Variants in ABTB2 observed in about 807,000 individuals in gnomAD.
ABTB2 encodes the protein ankyrin repeat and BTB/POZ domain-containing protein 2.
ABTB2 carries 56 observed loss-of-function variants against 104.1 expected under a neutral mutation model. The observed-to-expected ratio is 0.54, with a 90% CI of 0.43 to 0.67. The LOEUF is 0.67. Ranked by LOEUF, ABTB2 falls within the 30% of genes least tolerant of loss-of-function variation. ABTB2 has a pLI of 0.00. For missense variants in ABTB2, 1,279 were observed against 1,407.7 expected, an observed-to-expected ratio of 0.91 and a Z score of 1.46; for synonymous variants, 606 against 608.2, an observed-to-expected ratio of 1.00 and a Z score of 0.05.
chr11:34,357,580 C>A lies in ABTB2; in HGVS notation c.4G>T (p.Ala2Ser). The change falls in exon 1 of 17, where the codon GCC (alanine) becomes TCC (serine). Residue 2 changes from alanine (A) to serine (S), a missense_variant. Transcript: ENST00000435224. ...TTCAGAGTCGAGCTGTACGTCCCGGCCATGGGGAGCCTGCCGAGGGCGGCG... is the reference window on the plus strand; with the variant it reads ...TTCAGAGTCGAGCTGTACGTCCCGGACATGGGGAGCCTGCCGAGGGCGGCG... Reference protein sequence around the residue: MAGTYSSTLKTL... With the variant: MSGTYSSTLKTL... The A allele has an allele frequency of 6.6e-7, 1 of 1,507,856 alleles. No homozygotes were observed. Among genetic ancestry groups the A allele is most frequent in the Non-Finnish European group, 8.9e-7 (1 of 1,127,410 alleles). The allele number at this position is 1,507,856 out of a possible 1,614,324, so 93.4% of individuals were successfully genotyped here. A position where few individuals can be genotyped will look rare whatever the true frequency, so the allele number is the denominator to read the frequency against.
chr11:34,170,632 A>G (rs1590205777), intron 5 of ABTB2, among the ~76,000 whole-genome samples: 2 of 152,134 alleles, frequency 1.3e-5, no homozygotes, highest in South Asian at 4.1e-4. Flanking sequence ...ACTCTCCCAG[A>G]CTCGTTCCTA....
chr11:34,210,947 TTTTTTA>T lies in ABTB2; in HGVS notation c.884-6263_884-6258del, dbSNP rs540146024. On this transcript the variant is annotated intron_variant, in intron 1 of 16. Coordinates refer to ENST00000435224, the MANE Select transcript of ABTB2 (RefSeq NM_145804.3). ...AGATAAGCCAACCCCTTTTTAAAAT[TTTTTTA>T]TTTTTAAGTGTTTCCATTCTCTGAT... is the stretch of plus-strand genomic sequence containing the variant. Among the ~76,000 whole-genome samples the T allele has an allele frequency of 1.6e-3, 242 of 152,242 alleles. 1 individual carries two copies. Among genetic ancestry groups the T allele is most frequent in the Middle Eastern group, 3.4e-3 (1 of 294 alleles).
chr11:34,197,274 C>T (rs1304521827), intron 3 of ABTB2, 51 bp downstream of exon 3: 1 of 1,586,302 alleles, frequency 6.3e-7, no homozygotes. Context: ...TCGGTCAATG[C>T]ACGTTTGGGA....
At chr11:34,190,227 G>A (rs1268240540) in intron 3 of ABTB2, among the ~76,000 whole-genome samples, 3 of 150,876 alleles carry the variant, frequency 2.0e-5, no homozygotes, top group African/African-American at 7.3e-5. Context: ...GTAACAGAGT[G>A]TGACTCCATC....
At position 34,258,314 on chromosome 11, in the gene ABTB2, A is replaced by AT. The variant is rs1029246517; in HGVS notation, c.884-53625dup. 2.1e-4 allele frequency among the ~76,000 whole-genome samples: 31 copies of AT among 151,090 alleles called. No homozygotes were observed. In the East Asian group the frequency reaches 5.4e-3, roughly 27 times the overall value. On this transcript the variant is annotated intron_variant, in intron 1 of 16. Transcript: ENST00000435224. ...AATTTACAAATATCTATCCCACTTC[A>AT]TTTTTTTTTCCCTTTAATCCTCACA... is the stretch of plus-strand genomic sequence containing the variant.
chr11:34,171,643 CAA>C (rs1852875430), intron 4 of ABTB2, among the ~76,000 whole-genome samples: 1 of 152,080 alleles, frequency 6.6e-6, no homozygotes, highest in Non-Finnish European at 1.5e-5. Context: ...TGGCAGAAAA[CAA>C]AGACTCATGT....
intron 1 of ABTB2, among the ~76,000 whole-genome samples, chr11:34,205,609 T>A (rs904089610): frequency 1.3e-5 from 2 of 152,180 alleles, no homozygotes; most frequent in African/African-American, 4.8e-5. Flanking sequence ...AAACTTTTTT[T>A]TTTTCTTTTT....
At chr11:34,325,365 T>C (rs1299132478) in intron 1 of ABTB2, among the ~76,000 whole-genome samples, 2 of 152,140 alleles carry the variant, frequency 1.3e-5, no homozygotes, top group African/African-American at 4.8e-5. Context: ...GGAGGTTCTG[T>C]GATAATGCAG....
intron 1 of ABTB2, among the ~76,000 whole-genome samples, chr11:34,299,846 G>A (rs898404188): frequency 5.3e-5 from 8 of 152,232 alleles, no homozygotes; most frequent in East Asian, 1.9e-4. Flanking sequence ...TGGGCTGGCA[G>A]CCTTGCTCCA....
In ABTB2 at chr11:34,356,962, C is replaced by T. The variant is rs1176055145; in HGVS notation, c.622G>A (p.Gly208Ser). Residue 208 changes from glycine to serine, a missense_variant, in exon 1 of 17, where the codon GGT becomes AGT. Coordinates refer to ENST00000435224, the MANE Select transcript of ABTB2 (RefSeq NM_145804.3). This position sits in a 1 kb window ranked among gnomAD's most constrained non-coding sequence, Gnocchi z 4.6. ...TCCACCATCCAGCGGAAAAAGCGACCCACTGAGAAGGTGAGGCCGCAGCGC... is the reference window on the plus strand; with the variant it reads ...TCCACCATCCAGCGGAAAAAGCGACTCACTGAGAAGGTGAGGCCGCAGCGC... ...SARCGLTFSV[G>S]RFFRWMVDTR... 8 of 1,597,620 alleles carry T rather than the reference C, an allele frequency of 5.0e-6. No homozygotes were observed. In the South Asian group the frequency reaches 9.0e-5, roughly 18 times the overall value.
At chr11:34,233,934 AGT>A (rs1392260771) in intron 1 of ABTB2, among the ~76,000 whole-genome samples, 2 of 152,168 alleles carry the variant, frequency 1.3e-5, no homozygotes, top group African/African-American at 4.8e-5. Context: ...TTTTCAGGTC[AGT>A]GTGTTTGGAT....
chr11:34,213,313 C>A lies in ABTB2; in HGVS notation c.884-8623G>T, dbSNP rs552301403. ...GCTAACATGGTGAAATCCCCCATCTCTACTAAAAATCCAAAAATTAGCCGG... is the reference window on the plus strand; with the variant it reads ...GCTAACATGGTGAAATCCCCCATCTATACTAAAAATCCAAAAATTAGCCGG... On this transcript the variant is annotated intron_variant, in intron 1 of 16. Coordinates refer to ENST00000435224, the MANE Select transcript of ABTB2 (RefSeq NM_145804.3). 1.1e-4 allele frequency among the ~76,000 whole-genome samples: 16 copies of A among 152,280 alleles called. 1 individual carries two copies. In the South Asian group the frequency reaches 2.7e-3, roughly 26 times the overall value.
At chr11:34,192,705 C>T (rs1853195717) in intron 3 of ABTB2, among the ~76,000 whole-genome samples, 2 of 152,374 alleles carry the variant, frequency 1.3e-5, no homozygotes, top group Admixed American at 6.5e-5. Context: ...GCCATTCCCA[C>T]TCTCTCTGCC....
intron 3 of ABTB2, among the ~76,000 whole-genome samples, chr11:34,190,306 G>T (rs1853158263): frequency 6.6e-6 from 1 of 151,378 alleles, no homozygotes; most frequent in African/African-American, 2.4e-5. Flanking sequence ...GATGCAGAGG[G>T]TAAATGACAT....
intron 1 of ABTB2, among the ~76,000 whole-genome samples, chr11:34,306,495 C>T (rs932078401): frequency 1.2e-4 from 18 of 152,072 alleles, no homozygotes; most frequent in African/African-American, 3.6e-4. Context: ...GATCTGCCTG[C>T]CTCAAGCTCC....
intron 1 of ABTB2, among the ~76,000 whole-genome samples, chr11:34,215,060 A>C (rs749935926): frequency 2.0e-5 from 3 of 152,176 alleles, no homozygotes; most frequent in Non-Finnish European, 4.4e-5. Flanking sequence ...CTGCATCACC[A>C]GTGGGACTTT....
intron 1 of ABTB2, among the ~76,000 whole-genome samples, chr11:34,226,169 T>TCCAGC (rs916745090): frequency 3.7e-5 from 5 of 134,212 alleles, no homozygotes; most frequent in African/African-American, 1.4e-4. Context: ...ACCACTACTC[T>TCCAGC]CCAGCCTGGG....
intron 3 of ABTB2, among the ~76,000 whole-genome samples, chr11:34,179,971 C>T (rs185808467): frequency 3.3e-5 from 5 of 152,310 alleles, no homozygotes; most frequent in African/African-American, 1.2e-4. Context: ...ATGTAAAATA[C>T]TTACCATCAT....
At chr11:34,168,014 G>A (rs1322774975) in intron 5 of ABTB2, 22 bp from the exon 6 acceptor site, 1 of 1,610,920 alleles carries the variant, frequency 6.2e-7, no homozygotes, top group Non-Finnish European at 8.5e-7. Flanking sequence ...AAATGCACGT[G>A]CTAAACTGTT....
Sources: gnomAD v4.1 joint callset for allele counts (sites outside exome capture counted in the v4.1 genomes callset) on GRCh38, gnomAD v4.1.1 for gene constraint, Gnocchi (gnomAD v3.1) non-coding constraint, MANE v1.5 for transcripts, NCBI Gene and HGNC (gene_info 2026-07-23, HGNC 2026-07-21) for gene names.